Variants in STX8 observed in about 807,000 individuals in gnomAD.
STX8 encodes syntaxin 8, also known as syntaxin-8.
STX8 carries 23 observed loss-of-function variants against 37.5 expected under a neutral mutation model. The observed-to-expected ratio is 0.61, with a 90% confidence interval of 0.44 to 0.87. STX8 has a LOEUF of 0.87. Among genes scored for constraint, STX8 ranks in the 40% least tolerant of loss-of-function variants. The pLI, the probability that STX8 is intolerant of heterozygous loss-of-function variation, is 0.00. For missense variants in STX8, 313 were observed against 284.7 expected (o/e 1.10, Z -0.71); for synonymous variants, 115 against 99.1 (o/e 1.16, Z -0.95).
chr17:9,573,080 A>ACCCCCCCCCCCCCCCCCCCCCCCCCC (rs71135994), intron 1 of STX8, among the ~76,000 whole-genome samples: 1 of 101,576 alleles, frequency 9.8e-6, no homozygotes, highest in African/African-American at 3.8e-5. Context: ...CACCCCCAAC[A>ACCCCCCCCCCCCCCCCCCCCCCCCCC]CCCCCCCCCA....
chr17:9,259,622 G>A (rs1906932341), intron 7 of STX8, among the ~76,000 whole-genome samples: 1 of 152,214 alleles, frequency 6.6e-6, no homozygotes, highest in Admixed American at 6.5e-5. Context: ...TGTGCTGGGC[G>A]GAATGCTGGC....
chr17:9,304,553 C>A (rs12947931), intron 7 of STX8, among the ~76,000 whole-genome samples: 34,497 of 137,670 alleles, frequency 0.25, 5,383 homozygotes, highest in African/African-American at 0.46. Context: ...AAAAAGAAAA[C>A]GAAAAATACA....
At chr17:9,285,341 C>T (rs1299393475) in intron 7 of STX8, among the ~76,000 whole-genome samples, 2 of 151,368 alleles carry the variant, frequency 1.3e-5, no homozygotes, top group East Asian at 3.9e-4. Context: ...AGCCACCAAA[C>T]TCTATTCTGC....
chr17:9,301,621 T>C (rs1908788405), intron 7 of STX8, among the ~76,000 whole-genome samples: 2 of 151,402 alleles, frequency 1.3e-5, no homozygotes, highest in African/African-American at 4.8e-5. Context: ...TAGCTGGGAC[T>C]ACAGGCGCCT....
At chr17:9,511,288 C>T (rs1176203764) in intron 4 of STX8, among the ~76,000 whole-genome samples, 1 of 152,110 alleles carries the variant, frequency 6.6e-6, no homozygotes, top group Non-Finnish European at 1.5e-5. Context: ...ATATCAAAAG[C>T]AGACAAGAAT....
intron 4 of STX8, among the ~76,000 whole-genome samples, chr17:9,511,257 T>C (rs1312292711): frequency 6.6e-6 from 1 of 152,166 alleles, no homozygotes; most frequent in African/African-American, 2.4e-5. Flanking sequence ...TAACTCATGC[T>C]AAGAGGCCAG....
chr17:9,358,938 T>C (rs1036795533), intron 7 of STX8, among the ~76,000 whole-genome samples: 5 of 152,198 alleles, frequency 3.3e-5, no homozygotes, highest in Non-Finnish European at 7.3e-5. Flanking sequence ...CTGTATTTGA[T>C]TGGCTTACAT....
At chr17:9,556,946 T>C (rs781260319) in intron 3 of STX8, 2 of 153,446 alleles carry the variant, frequency 1.3e-5, no homozygotes, top group Non-Finnish European at 2.9e-5. Context: ...ATAAGGCACA[T>C]CTCAAATCTA....
chr17:9,551,370 G>T, intron 3 of STX8, among the ~76,000 whole-genome samples: 1 of 152,126 alleles, frequency 6.6e-6, no homozygotes, highest in East Asian at 1.9e-4. Context: ...CATCATGCAT[G>T]ATTAAAAACT....
intron 7 of STX8, among the ~76,000 whole-genome samples, chr17:9,355,332 CTTTT>C (rs57991262): frequency 6.0e-5 from 7 of 116,258 alleles, no homozygotes; most frequent in Non-Finnish European, 1.2e-4. Flanking sequence ...CTTTGTGGAA[CTTTT>C]TTTTTTTTTT....
At chr17:9,484,202 G>A (rs931942719) in intron 6 of STX8, among the ~76,000 whole-genome samples, 7 of 152,110 alleles carry the variant, frequency 4.6e-5, no homozygotes, top group Non-Finnish European at 8.8e-5. Flanking sequence ...GTTAGCACTA[G>A]TGATCCAACA....
At chr17:9,461,469 C>G (rs1905385361) in intron 6 of STX8, 1 of 152,074 alleles carries the variant, frequency 6.6e-6, no homozygotes, top group African/African-American at 2.4e-5. Flanking sequence ...GAGACAGAAG[C>G]CAATATAAAG....
chr17:9,300,913 A>C (rs1323028071), intron 7 of STX8, among the ~76,000 whole-genome samples: 3 of 147,874 alleles, frequency 2.0e-5, no homozygotes, highest in Non-Finnish European at 4.4e-5. Context: ...GCTCACTGCA[A>C]ACTCCACCTC....
At chr17:9,528,262 A>G (rs1191058093) in intron 4 of STX8, among the ~76,000 whole-genome samples, 1 of 152,136 alleles carries the variant, frequency 6.6e-6, no homozygotes, top group Non-Finnish European at 1.5e-5. Flanking sequence ...GAGGGGCAGA[A>G]AGGGAGAGAG....
intron 3 of STX8, among the ~76,000 whole-genome samples, chr17:9,551,562 C>T (rs926791904): frequency 5.5e-4 from 84 of 152,168 alleles, no homozygotes; most frequent in African/African-American, 2.0e-3. Context: ...GCATCCCATT[C>T]CACAAATGAG....
chr17:9,356,653 C>T (rs917638580), intron 7 of STX8, among the ~76,000 whole-genome samples: 1 of 152,214 alleles, frequency 6.6e-6, no homozygotes, highest in African/African-American at 2.4e-5. Context: ...CTCTTCCTCT[C>T]TTTCCCCATC....
chr17:9,570,301 G>A (rs779415319), intron 1 of STX8, among the ~76,000 whole-genome samples: 1 of 151,830 alleles, frequency 6.6e-6, no homozygotes, highest in Non-Finnish European at 1.5e-5. Context: ...CCTGACCTGA[G>A]CCAGGTCCTA....
chr17:9,289,705 G>A (rs956791593), intron 7 of STX8, among the ~76,000 whole-genome samples: 8 of 151,884 alleles, frequency 5.3e-5, no homozygotes, highest in African/African-American at 1.5e-4. Context: ...GCATGAACCC[G>A]GGAGGTGGAG....
intron 4 of STX8, among the ~76,000 whole-genome samples, chr17:9,540,277 G>A (rs532646525): frequency 3.2e-4 from 48 of 152,246 alleles, no homozygotes; most frequent in African/African-American, 1.1e-3. Context: ...TTGGAGCAAC[G>A]CTAGCTAGCT....
Sources: allele counts gnomAD v4.1 joint callset (sites outside exome capture counted in the v4.1 genomes callset), GRCh38; gene constraint gnomAD v4.1.1; transcripts MANE v1.5; gene names NCBI Gene and HGNC (gene_info 2026-07-23, HGNC 2026-07-21).